CDH3: variants seen among roughly 807,000 people sequenced by gnomAD.
CDH3 encodes cadherin-3.
A neutral mutation model predicts 82.0 loss-of-function variants in CDH3; 54 were observed. The ratio of observed to expected loss-of-function variants is 0.66; its 90% CI spans 0.53 to 0.83. CDH3 has a LOEUF of 0.83. Ranked by LOEUF, CDH3 falls within the 40% of genes least tolerant of loss-of-function variation. The probability of loss-of-function intolerance (pLI) is 0.00; values close to 1 mark genes in which losing one functional copy is unlikely to be tolerated. For synonymous variants in CDH3, 446 were observed against 437.9 expected, an observed-to-expected ratio of 1.02 and a Z score of -0.23; for missense variants, 1,054 against 1,084.6, an observed-to-expected ratio of 0.97 and a Z score of 0.40.
At chr16:68,716,243 G>A (rs1010218990) in intron 1 of CDH3, among the ~76,000 whole-genome samples, 3 of 151,642 alleles carry the variant, frequency 2.0e-5, no homozygotes, top group African/African-American at 7.3e-5. Flanking sequence ...CTAAGCACTG[G>A]AAAAAACCCA....
chr16:68,712,040 T>TTTC (rs1445483813), intron 1 of CDH3, among the ~76,000 whole-genome samples: 6 of 125,516 alleles, frequency 4.8e-5, no homozygotes, highest in African/African-American at 8.6e-5. Context: ...TTGTTTTCTT[T>TTTC]TTTTTTTTTT....
At chr16:68,669,238 C>G (rs1960820986) in intron 2 of CDH3, among the ~76,000 whole-genome samples, 1 of 152,166 alleles carries the variant, frequency 6.6e-6, no homozygotes, top group Non-Finnish European at 1.5e-5. Context: ...TAGGAAAACA[C>G]TTAGCTGGGT....
intron 15 of CDH3, 92 bp downstream of exon 15, chr16:68,696,015 C>A: frequency 7.1e-7 from 1 of 1,412,446 alleles, no homozygotes; most frequent in South Asian, 1.2e-5. Context: ...AGTCTTGGGT[C>A]TGGGTTCAAA....
rs140734913 is a variant in CDH3 at position 68,726,868 on chromosome 16, C to T, written c.*46-285C>T. On this transcript the variant is annotated intron_variant, in intron 2 of 2. Transcript: ENST00000569080. ...TGCTGGGATTACAGGCATGAGCCAC[C>T]GCGCCCGCCCCAGCTGTGTCATTTT... Among the ~76,000 whole-genome samples, 52 of 152,252 alleles carry T rather than the reference C, an allele frequency of 3.4e-4. 1 individual carries two copies. In the East Asian group the frequency reaches 7.1e-3, roughly 21 times the overall value.
At position 68,716,270 on chromosome 16, in the gene CDH3, A is replaced by T. The variant is rs1962093920; in HGVS notation, c.100-6155A>T. Among the ~76,000 whole-genome samples the T allele has an allele frequency of 2.0e-5, 3 of 151,784 alleles. No individual in the cohort carries two copies. In the South Asian group the frequency reaches 6.2e-4, roughly 32 times the overall value. On this transcript the variant is annotated intron_variant, in intron 1 of 2. Transcript: ENST00000569080. ...AAAAACCCAGGTTCTTCAAAAAGGG[A>T]ATTGATTCAATAAATTGTAGGCATT...
At chr16:68,703,162 G>A (rs1274359720), downstream of CDH3, among the ~76,000 whole-genome samples, 3 of 152,266 alleles carry the variant, frequency 2.0e-5, no homozygotes, top group South Asian at 6.2e-4. Flanking sequence ...GGGACTAAAG[G>A]GGCTACAGAT....
intron 11 of CDH3, 84 bp downstream of exon 11, chr16:68,685,434 GGT>G: frequency 6.9e-7 from 1 of 1,450,196 alleles, no homozygotes; most frequent in Non-Finnish European, 9.6e-7. Flanking sequence ...TTCCTCCACA[GGT>G]GGGAACATGT....
At chr16:68,691,427 T>C (rs1961570672) in intron 12 of CDH3, among the ~76,000 whole-genome samples, 1 of 152,244 alleles carries the variant, frequency 6.6e-6, no homozygotes, top group Non-Finnish European at 1.5e-5. Context: ...AAAGAAGTTA[T>C]TGGTCCTGCA....
Position 68,687,604 on chromosome 16 carries a change from A to C in CDH3, c.1663A>C (p.Ile555Leu). 1.2e-6 allele frequency: 2 copies of C among 1,614,130 alleles called. No homozygotes were observed. Among genetic ancestry groups the C allele is most frequent in the East Asian group, 4.5e-5 (2 of 44,872 alleles). Residue 555 changes from isoleucine to leucine, a missense_variant, in exon 12 of 16, where the codon ATC becomes CTC. Ile to Leu is a conservative substitution (Grantham distance 5). Transcript: ENST00000264012. ...AGTCCCTGAGCCCCGTCAGATCACC[A>C]TCTGCAACCAAAGCCCTGTGCGCCA... is the stretch of plus-strand genomic sequence containing the variant. Reference protein sequence around the residue: ...GPVPEPRQITICNQSPVRQVL... With the variant: ...GPVPEPRQITLCNQSPVRQVL...
chr16:68,656,961 C>G (rs1487119090), intron 2 of CDH3, among the ~76,000 whole-genome samples: 1 of 152,118 alleles, frequency 6.6e-6, no homozygotes, highest in African/African-American at 2.4e-5. Context: ...CACCCCACCC[C>G]CACCTGCCTC....
chr16:68,656,637 A>C (rs1289626356), intron 2 of CDH3, among the ~76,000 whole-genome samples: 1 of 152,198 alleles, frequency 6.6e-6, no homozygotes, highest in Non-Finnish European at 1.5e-5. Context: ...TTGTGGTGTC[A>C]CATTTTGAAC....
chr16:68,649,949 G>A (rs558964224), intron 2 of CDH3, among the ~76,000 whole-genome samples: 34 of 152,124 alleles, frequency 2.2e-4, no homozygotes, highest in African/African-American at 7.5e-4. Context: ...CAGGAGAATC[G>A]CTTGAGCCCA....
At chr16:68,704,275 A>G (rs1181515238), downstream of CDH3, among the ~76,000 whole-genome samples, 1 of 151,310 alleles carries the variant, frequency 6.6e-6, no homozygotes, top group Admixed American at 6.6e-5. Flanking sequence ...CCACAGAGCG[A>G]GACTTCGTCT....
At chr16:68,705,610 C>T (rs1264593892) in intron 1 of CDH3, among the ~76,000 whole-genome samples, 3 of 151,558 alleles carry the variant, frequency 2.0e-5, no homozygotes, top group African/African-American at 4.8e-5. Context: ...TTAGTAGAGA[C>T]GGAGTTTCAC....
chr16:68,687,027 G>A (rs1217723811), intron 11 of CDH3, among the ~76,000 whole-genome samples: 1 of 152,200 alleles, frequency 6.6e-6, no homozygotes, highest in East Asian at 1.9e-4. Flanking sequence ...GGTTCACTGG[G>A]TCCTGAATTG....
chr16:68,663,025 C>T (rs969684578), intron 2 of CDH3, among the ~76,000 whole-genome samples: 7 of 150,898 alleles, frequency 4.6e-5, no homozygotes, highest in Non-Finnish European at 8.8e-5. Context: ...CCTGCCACCA[C>T]ACCCAGCTAA....
At chr16:68,659,295 A>G (rs958213417) in intron 2 of CDH3, among the ~76,000 whole-genome samples, 3 of 152,160 alleles carry the variant, frequency 2.0e-5, no homozygotes, top group Non-Finnish European at 2.9e-5. Flanking sequence ...AGGCTGGGGT[A>G]TGGTGGCTCA....
chr16:68,678,897 G>C lies in CDH3; in HGVS notation c.682G>C (p.Val228Leu), dbSNP rs1405567729. The C allele has an allele frequency of 3.7e-6, 6 of 1,613,694 alleles. No individual in the cohort carries two copies. Among genetic ancestry groups the C allele is most frequent in the Non-Finnish European group, 5.1e-6 (6 of 1,179,980 alleles). ...DTFRGSVLEG[V>L]LPGTSVMQVT... ...CTTCCGAGGGAGTGTCTTAGAGGGA[G>C]TCCTACCAGGTAAGAGGACTGGGAA... is the stretch of plus-strand genomic sequence containing the variant. Residue 228 changes from valine (V) to leucine (L), a missense_variant, in exon 6 of 16, where the codon GTC (valine) becomes CTC (leucine). Transcript: ENST00000264012.
chr16:68,656,301 C>G (rs967649497), intron 2 of CDH3, among the ~76,000 whole-genome samples: 11 of 152,128 alleles, frequency 7.2e-5, no homozygotes, highest in African/African-American at 2.7e-4. Flanking sequence ...GCCCCCACTC[C>G]CAGCAACCCT....
Sources: allele counts gnomAD v4.1 joint callset (sites outside exome capture counted in the v4.1 genomes callset), GRCh38; gene constraint gnomAD v4.1.1; transcripts MANE v1.5; gene names NCBI Gene and HGNC (gene_info 2026-07-23, HGNC 2026-07-21).